The following INPP5D variants were observed in gnomAD, a reference collection of about 807,000 sequenced individuals.
INPP5D encodes inositol polyphosphate-5-phosphatase D.
A neutral mutation model predicts 122.9 loss-of-function variants in INPP5D; 33 were observed. The observed-to-expected ratio is 0.27, with a 90% CI of 0.20 to 0.36. The LOEUF (loss-of-function observed/expected upper bound fraction) is 0.36. Ranked by LOEUF, INPP5D falls within the 10% of genes least tolerant of loss-of-function variation. The pLI is 1.00. For missense variants in INPP5D, 1,053 were observed against 1,412.7 expected, an observed-to-expected ratio of 0.75 and a Z score of 4.08; for synonymous variants, 584 against 576.2, an observed-to-expected ratio of 1.01 and a Z score of -0.19.
At chr2:233,097,212 C>G (rs937204292) in intron 2 of INPP5D, among the ~76,000 whole-genome samples, 2 of 152,144 alleles carry the variant, frequency 1.3e-5, no homozygotes, top group African/African-American at 4.8e-5. Flanking sequence ...TTAATCTACT[C>G]TTGACCCAGC....
At chr2:233,074,025 T>C (rs1691451123) in intron 1 of INPP5D, among the ~76,000 whole-genome samples, 1 of 152,228 alleles carries the variant, frequency 6.6e-6, no homozygotes, top group Admixed American at 6.5e-5. Context: ...CTATTTAAGA[T>C]GGAAGTAACT....
intron 13 of INPP5D, among the ~76,000 whole-genome samples, chr2:233,166,275 AC>A (rs1265508833): frequency 6.6e-6 from 1 of 150,944 alleles, no homozygotes; most frequent in Non-Finnish European, 1.5e-5. Flanking sequence ...ACATAAAACC[AC>A]CCCCTCAGCC....
chr2:233,114,076 A>C (rs1465554379), intron 2 of INPP5D, among the ~76,000 whole-genome samples: 3 of 151,998 alleles, frequency 2.0e-5, no homozygotes, highest in Non-Finnish European at 4.4e-5. Context: ...CGCCCAGCTA[A>C]TTTTTGTATT....
At chr2:233,111,722 G>T (rs79446057) in intron 2 of INPP5D, among the ~76,000 whole-genome samples, 4,954 of 152,280 alleles carry the variant, frequency 0.033, 103 homozygotes, top group African/African-American at 0.048. Context: ...GCTGGTGGCT[G>T]CCAGGTTACA....
At chr2:233,171,284 A>C (rs1331758959) in intron 17 of INPP5D, 132 bp downstream of exon 17, 21 of 1,385,362 alleles carry the variant, frequency 1.5e-5, no homozygotes, top group Non-Finnish European at 1.9e-5. Flanking sequence ...TAGAAAGCAC[A>C]TGTTGATTTG....
intron 1 of INPP5D, among the ~76,000 whole-genome samples, chr2:233,065,332 G>C (rs1280828092): frequency 9.6e-5 from 10 of 103,644 alleles, no homozygotes; most frequent in Non-Finnish European, 1.8e-5. Context: ...TTTTTTGACA[G>C]AGTCTTGCTC....
In INPP5D at chr2:233,197,583, G is replaced by A. The variant is rs1242344699; in HGVS notation, c.2694-512G>A. 6.6e-6 allele frequency among the ~76,000 whole-genome samples: 1 copy of A among 152,068 alleles called. No individual in the cohort carries two copies. Among genetic ancestry groups the A allele is most frequent in the African/African-American group, 2.4e-5 (1 of 41,394 alleles). ...ACAGGCCAAACCCCTCTCACCTGGA[G>A]GCCTTTGCATGTACTCTTGCCACTG... On this transcript the variant is annotated intron_variant, in intron 24 of 26. Transcript: ENST00000445964. The surrounding 1 kb of genome is among the most constrained non-coding windows in gnomAD (Gnocchi z 4.4).
intron 1 of INPP5D, among the ~76,000 whole-genome samples, chr2:233,075,794 T>G (rs1409254925): frequency 6.6e-6 from 1 of 152,128 alleles, no homozygotes; most frequent in Non-Finnish European, 1.5e-5. Flanking sequence ...GCTGTATGTT[T>G]TCCCTTGAAG....
At chr2:233,120,259 G>C (rs1346038145) in intron 2 of INPP5D, among the ~76,000 whole-genome samples, 1 of 152,106 alleles carries the variant, frequency 6.6e-6, no homozygotes, top group Non-Finnish European at 1.5e-5. Context: ...TGAGGTGGGT[G>C]GATCACCTGA....
intron 13 of INPP5D, among the ~76,000 whole-genome samples, chr2:233,166,309 G>A (rs1176395191): frequency 6.6e-6 from 1 of 152,226 alleles, no homozygotes; most frequent in African/African-American, 2.4e-5. Flanking sequence ...GGTCATCCTG[G>A]CCTCAGGGCT....
chr2:233,159,182 G>A (rs189569670), intron 10 of INPP5D, among the ~76,000 whole-genome samples: 2 of 152,312 alleles, frequency 1.3e-5, no homozygotes, highest in Admixed American at 6.5e-5. Flanking sequence ...GGTTCCTGGG[G>A]TAAGAGGTGC....
intron 1 of INPP5D, among the ~76,000 whole-genome samples, chr2:233,075,308 G>A (rs75590954): frequency 0.019 from 2,822 of 152,294 alleles, 95 homozygotes; most frequent in African/African-American, 0.063. Flanking sequence ...CAGTCACTGG[G>A]AGGAGTCTCA....
rs1273278293 is a variant in INPP5D, at chr2:233,204,321, G to T, written c.3171G>T (p.Ser1057=). Reference sequence around the variant, plus strand: ...CCTGCCCGGAACCCGGCATCTTGTCGCCCAGCATCGTGCTCACCAAAGCCC... The same window carrying T: ...CCTGCCCGGAACCCGGCATCTTGTCTCCCAGCATCGTGCTCACCAAAGCCC... ...PPPCPEPGIL[S]PSIVLTKAQE... is the part of the protein sequence containing the mutation. The change falls in exon 26 of 27, where the codon TCG becomes TCT. Residue 1057 remains serine (S), a synonymous_variant. Transcript: ENST00000445964. The T allele has an allele frequency of 6.2e-7, 1 of 1,611,670 alleles. No individual in the cohort carries two copies. The highest frequency in any genetic ancestry group is 2.2e-5 in the East Asian group (1 of 44,848).
chr2:233,089,814 T>C (rs1335486878), intron 2 of INPP5D, among the ~76,000 whole-genome samples: 2 of 152,202 alleles, frequency 1.3e-5, no homozygotes, highest in African/African-American at 4.8e-5. Context: ...GACAAGCAAT[T>C]TTCAAGATTA....
chr2:233,061,629 C>A (rs1474092356), intron 1 of INPP5D, among the ~76,000 whole-genome samples: 1 of 152,228 alleles, frequency 6.6e-6, no homozygotes, highest in Non-Finnish European at 1.5e-5. Flanking sequence ...TGACTCACAG[C>A]TGGGACCTGT....
chr2:233,068,303 T>A (rs1359010179), intron 1 of INPP5D, among the ~76,000 whole-genome samples: 7 of 113,850 alleles, frequency 6.1e-5, no homozygotes, highest in South Asian at 3.1e-4. Context: ...AAAAAAAAAA[T>A]CATGCTGGTG....
intron 1 of INPP5D, among the ~76,000 whole-genome samples, chr2:233,067,607 C>A (rs961459579): frequency 1.3e-5 from 2 of 152,182 alleles, no homozygotes; most frequent in African/African-American, 4.8e-5. Flanking sequence ...TGAGGAACAG[C>A]TAAACTGTTT....
chr2:233,159,495 C>T (rs1037521712), intron 10 of INPP5D, among the ~76,000 whole-genome samples: 10 of 149,466 alleles, frequency 6.7e-5, no homozygotes, highest in African/African-American at 2.0e-4. Flanking sequence ...ACCAAGAGTT[C>T]GAGACTAGCC....
At chr2:233,154,742 A>T (rs1355410305) in intron 9 of INPP5D, among the ~76,000 whole-genome samples, 1 of 152,198 alleles carries the variant, frequency 6.6e-6, no homozygotes, top group Non-Finnish European at 1.5e-5. Context: ...TGCTGGTGTG[A>T]TTACCCTTAT....
Sources: gnomAD v4.1 joint callset for allele counts (sites outside exome capture counted in the v4.1 genomes callset) on GRCh38, gnomAD v4.1.1 for gene constraint, Gnocchi (gnomAD v3.1) non-coding constraint, MANE v1.5 for transcripts, NCBI Gene and HGNC (gene_info 2026-07-23, HGNC 2026-07-21) for gene names.